The following DLGAP2 variants were observed in gnomAD, a reference collection of about 807,000 sequenced individuals.
DLGAP2 encodes DLG associated protein 2.
In DLGAP2, 26 loss-of-function variants were observed where a neutral mutation model predicts 100.3. The observed-to-expected ratio is 0.26, with a 90% CI of 0.19 to 0.36. The LOEUF is 0.36. Among genes scored for constraint, DLGAP2 ranks in the 10% least tolerant of loss-of-function variants. The pLI is 1.00. For synonymous variants in DLGAP2, 886 were observed against 630.1 expected (o/e 1.41, Z -6.08); for missense variants, 1,858 against 1,453.2 (o/e 1.28, Z -4.53).
At position 1,483,707 on chromosome 8, in the gene DLGAP2, C is replaced by T. The variant is rs6996820; in HGVS notation, c.107-17659C>T. On this transcript the variant is annotated intron_variant, in intron 3 of 14. Transcript: ENST00000637795. ...GAGGTGGGGACCAGGGAGGCAGGTG[C>T]AGGACGTGGGGACCAGGAAGGCAGG... is the stretch of plus-strand genomic sequence containing the variant. Among the ~76,000 whole-genome samples the T allele has an allele frequency of 3.8e-4, 58 of 150,878 alleles. 2 individuals carry two copies. The highest frequency in any genetic ancestry group is 1.3e-3 in the African/African-American group (53 of 40,794).
chr8:1,528,729 A>T (rs943933505), intron 4 of DLGAP2, among the ~76,000 whole-genome samples: 1 of 152,172 alleles, frequency 6.6e-6, no homozygotes, highest in Admixed American at 6.5e-5. Flanking sequence ...CCTGGCAGTA[A>T]GGAGCCTGGC....
intron 6 of DLGAP2, among the ~76,000 whole-genome samples, chr8:1,605,233 C>T (rs1401315109): frequency 6.6e-6 from 1 of 152,154 alleles, no homozygotes; most frequent in East Asian, 1.9e-4. Context: ...CAGATCCGGA[C>T]CTCCTGACCT....
intron 2 of DLGAP2, among the ~76,000 whole-genome samples, chr8:1,081,469 A>G (rs1290056707): frequency 1.3e-5 from 2 of 152,158 alleles, no homozygotes; most frequent in Non-Finnish European, 2.9e-5. Context: ...CTCCTGCCTC[A>G]GCCTCCCTAG....
At chr8:1,445,463 C>T (rs1363237413) in intron 3 of DLGAP2, among the ~76,000 whole-genome samples, 1 of 151,840 alleles carries the variant, frequency 6.6e-6, no homozygotes, top group African/African-American at 2.4e-5. Context: ...TGTATATGTG[C>T]CACATTTTCT....
chr8:794,722 TGGCCAGTTTTGG>T (rs1368146775), intron 1 of DLGAP2, among the ~76,000 whole-genome samples: 1 of 152,230 alleles, frequency 6.6e-6, no homozygotes. Flanking sequence ...ATTTTGTTTA[TGGCCAGTTTTGG>T]GGCCAGTTTA....
At chr8:1,449,023 G>C (rs904002877) in intron 3 of DLGAP2, among the ~76,000 whole-genome samples, 1 of 152,222 alleles carries the variant, frequency 6.6e-6, no homozygotes. Context: ...GGCTGTGATG[G>C]GGAGGCTCAG....
chr8:1,219,654 C>A (rs538777701), intron 2 of DLGAP2, among the ~76,000 whole-genome samples: 1 of 152,082 alleles, frequency 6.6e-6, no homozygotes, highest in Admixed American at 6.6e-5. Context: ...AGAAGTCCCT[C>A]CTCCTTGATT....
At chr8:1,432,657 G>T (rs367757501) in intron 3 of DLGAP2, among the ~76,000 whole-genome samples, 41 of 152,348 alleles carry the variant, frequency 2.7e-4, no homozygotes, top group African/African-American at 9.6e-4. Context: ...CATATTGAAG[G>T]CACTGGCCCT....
intron 2 of DLGAP2, chr8:1,247,235 G>A (rs1393501227): frequency 1.4e-5 from 2 of 145,542 alleles, no homozygotes; most frequent in East Asian, 4.3e-4. Context: ...GGTCCACGTC[G>A]GTGGCCGGGA....
At chr8:1,024,261 A>G (rs1396555948) in intron 2 of DLGAP2, among the ~76,000 whole-genome samples, 1 of 124,608 alleles carries the variant, frequency 8.0e-6, no homozygotes, top group Non-Finnish European at 1.7e-5. Context: ...CGAGGCAGAC[A>G]CCCCAGCCAC....
At chr8:1,301,302 C>G (rs1205131161) in intron 3 of DLGAP2, 1 of 152,320 alleles carries the variant, frequency 6.6e-6, no homozygotes, top group Non-Finnish European at 1.5e-5. Context: ...AAGCTGCTGT[C>G]TCCTCCATGA....
intron 2 of DLGAP2, among the ~76,000 whole-genome samples, chr8:1,182,048 T>G (rs1797400189): frequency 6.6e-6 from 1 of 152,234 alleles, no homozygotes; most frequent in Non-Finnish European, 1.5e-5. Context: ...TGTGCTGCAG[T>G]GCGTAAGAGC....
chr8:861,601 G>A (rs541190031), intron 1 of DLGAP2, among the ~76,000 whole-genome samples: 33 of 152,298 alleles, frequency 2.2e-4, no homozygotes, highest in African/African-American at 5.8e-4. Flanking sequence ...CAGCGCTTTT[G>A]AAAAGTTTTT....
chr8:1,213,204 C>A (rs1435330646), intron 2 of DLGAP2, among the ~76,000 whole-genome samples: 1 of 152,156 alleles, frequency 6.6e-6, no homozygotes, highest in East Asian at 1.9e-4. Flanking sequence ...GGGTGTCATA[C>A]TCACAGTCTT....
At chr8:1,096,212 C>G (rs897014573) in intron 2 of DLGAP2, among the ~76,000 whole-genome samples, 1 of 152,192 alleles carries the variant, frequency 6.6e-6, no homozygotes, top group Non-Finnish European at 1.5e-5. Flanking sequence ...CAAACCAGGA[C>G]TGTTGATTAT....
chr8:809,786 T>C (rs1585887815), intron 1 of DLGAP2, among the ~76,000 whole-genome samples: 1 of 152,152 alleles, frequency 6.6e-6, no homozygotes, highest in Non-Finnish European at 1.5e-5. Flanking sequence ...GTGCTGCCAT[T>C]CTCCCGGTGT....
chr8:1,132,891 T>C (rs1325347237), intron 2 of DLGAP2, among the ~76,000 whole-genome samples: 1 of 152,174 alleles, frequency 6.6e-6, no homozygotes, highest in Non-Finnish European at 1.5e-5. Flanking sequence ...AAGAGAAGCT[T>C]TGTTTAAAAA....
intron 3 of DLGAP2, among the ~76,000 whole-genome samples, chr8:1,312,723 C>G (rs185879674): frequency 3.9e-5 from 6 of 152,276 alleles, no homozygotes; most frequent in Non-Finnish European, 7.3e-5. Context: ...AATGCACATA[C>G]CTTTTGACTC....
intron 3 of DLGAP2, among the ~76,000 whole-genome samples, chr8:1,440,943 T>A (rs909039929): frequency 2.0e-5 from 3 of 152,166 alleles, no homozygotes; most frequent in African/African-American, 7.2e-5. Flanking sequence ...AAAAACAAAT[T>A]TAATGCAAAA....
Sources: allele counts gnomAD v4.1 joint callset (sites outside exome capture counted in the v4.1 genomes callset), GRCh38; gene constraint gnomAD v4.1.1; transcripts MANE v1.5; gene names NCBI Gene and HGNC (gene_info 2026-07-23, HGNC 2026-07-21).